GUCY1A2: variants seen among roughly 807,000 people sequenced by gnomAD.
The protein encoded by GUCY1A2 is guanylate cyclase 1 soluble subunit alpha 2, also known as guanylate cyclase soluble subunit alpha-2.
Under a neutral mutation model 63.5 loss-of-function variants are expected in GUCY1A2, and 27 were observed. That is an observed-to-expected ratio of 0.43 (90% confidence interval 0.31 to 0.59). The LOEUF (loss-of-function observed/expected upper bound fraction) is 0.59, where lower values mean the gene tolerates loss of function less well. Ranked by LOEUF, GUCY1A2 falls within the 20% of genes least tolerant of loss-of-function variation. The pLI, the probability that GUCY1A2 is intolerant of heterozygous loss-of-function variation, is 0.11. For synonymous variants in GUCY1A2, 364 were observed against 343.5 expected, an observed-to-expected ratio of 1.06 and a Z score of -0.66; for missense variants, 768 against 913.3, an observed-to-expected ratio of 0.84 and a Z score of 2.05.
chr11:106,884,935 C>G (rs1265813107), intron 4 of GUCY1A2, among the ~76,000 whole-genome samples: 1 of 152,082 alleles, frequency 6.6e-6, no homozygotes, highest in African/African-American at 2.4e-5. Context: ...GCTCAATTCC[C>G]GGCCTAGTCA....
chr11:106,889,607 G>A (rs1321750577), intron 4 of GUCY1A2, among the ~76,000 whole-genome samples: 1 of 152,132 alleles, frequency 6.6e-6, no homozygotes, highest in Non-Finnish European at 1.5e-5. Context: ...TTTTACACAA[G>A]TGCTAAAACT....
intron 3 of GUCY1A2, among the ~76,000 whole-genome samples, chr11:106,954,759 T>C (rs1287567308): frequency 6.6e-6 from 1 of 152,138 alleles, no homozygotes; most frequent in African/African-American, 2.4e-5. Flanking sequence ...CATTGTATAA[T>C]ACCCTTGTCT....
chr11:106,919,963 A>ATT (rs1860420222), intron 4 of GUCY1A2, among the ~76,000 whole-genome samples: 1 of 152,146 alleles, frequency 6.6e-6, no homozygotes, highest in Non-Finnish European at 1.5e-5. Context: ...ATGTTAAAGC[A>ATT]CTTTAAAAAT....
At position 107,017,765 on chromosome 11, in the gene GUCY1A2, C is replaced by A; in HGVS notation, c.291G>T (p.Leu97=). Residue 97 remains leucine, a synonymous_variant, in exon 1 of 8, where the codon CTG becomes CTT. Coordinates refer to ENST00000526355, the MANE Select transcript of GUCY1A2 (RefSeq NM_000855.3). ...GCCCCCCGCTCACCGAGGGCGCCGT[C>A]AGGCGGCTGATGCTCTCGCCCAGCG... ...LDSLGESISR[L]TAPSPQTIQQ... 7.1e-7 allele frequency: 1 copy of A among 1,417,892 alleles called. No homozygotes were observed. The highest frequency in any genetic ancestry group is 9.2e-7 in the Non-Finnish European group (1 of 1,085,414). 87.8% of individuals were successfully genotyped at this position (1,417,892 alleles called of 1,614,324 possible).
intron 3 of GUCY1A2, among the ~76,000 whole-genome samples, chr11:106,972,640 T>C (rs558523769): frequency 1.3e-5 from 2 of 152,076 alleles, no homozygotes; most frequent in East Asian, 3.9e-4. Flanking sequence ...AAATGGGAAA[T>C]AGTCTGTCAC....
chr11:106,848,517 AT>A (rs1163475791), intron 4 of GUCY1A2, among the ~76,000 whole-genome samples: 1 of 151,700 alleles, frequency 6.6e-6, no homozygotes, highest in Non-Finnish European at 1.5e-5. Flanking sequence ...AAATGGTAGC[AT>A]ATCTTCTTGT....
At chr11:106,734,072 A>G (rs1398398067) in intron 6 of GUCY1A2, among the ~76,000 whole-genome samples, 1 of 152,160 alleles carries the variant, frequency 6.6e-6, no homozygotes. Context: ...TTCTGTTTGT[A>G]AAACAGGCAA....
intron 5 of GUCY1A2, among the ~76,000 whole-genome samples, chr11:106,794,426 T>A (rs919855756): frequency 2.0e-5 from 3 of 151,906 alleles, no homozygotes; most frequent in African/African-American, 7.2e-5. Flanking sequence ...CCATATAGCA[T>A]GCTGACCATA....
At chr11:106,722,571 T>A in intron 6 of GUCY1A2, among the ~76,000 whole-genome samples, 1 of 152,176 alleles carries the variant, frequency 6.6e-6, no homozygotes, top group Non-Finnish European at 1.5e-5. Context: ...CTAGAATATG[T>A]CACTTGATTT....
At position 107,017,881 on chromosome 11, in the gene GUCY1A2, G is replaced by GA; in HGVS notation, c.174_175insT (p.Pro59SerfsTer59). On this transcript the variant is annotated frameshift_variant, in exon 1 of 8. Coordinates refer to ENST00000526355, the MANE Select transcript of GUCY1A2 (RefSeq NM_000855.3). LOFTEE classifies it high-confidence loss of function. Reference sequence around the variant, plus strand: ...GCAGAAGCAGCCGGGGTCGGGGCCGGGGCGGCGGCAGCGGCAGCTGCGGCC... The same window carrying GA: ...GCAGAAGCAGCCGGGGTCGGGGCCGGAGGCGGCGGCAGCGGCAGCTGCGGCC... 1 of 1,250,804 alleles carries GA rather than the reference G, an allele frequency of 8.0e-7. No individual in the cohort carries two copies. The highest frequency in any genetic ancestry group is 1.0e-6 in the Non-Finnish European group (1 of 995,426). The allele number at this position is 1,250,804 out of a possible 1,614,324, so 77.5% of individuals were successfully genotyped here.
intron 7 of GUCY1A2, among the ~76,000 whole-genome samples, chr11:106,701,167 T>G (rs1862811211): frequency 6.6e-6 from 1 of 152,118 alleles, no homozygotes; most frequent in Admixed American, 6.5e-5. Context: ...TCCCAGTAAA[T>G]TATTATATGC....
rs373398877 is a variant in GUCY1A2, at chr11:106,940,490, A to C, written c.488-312T>G. Among the ~76,000 whole-genome samples the C allele has an allele frequency of 2.2e-4, 34 of 152,256 alleles. 1 individual carries two copies. The highest frequency in any genetic ancestry group is 7.0e-4 in the African/African-American group (29 of 41,550). ...AGCAGAAGGCACAGTTATTTCCCAT[A>C]TCTCTCTGCCCCGACACATGCACAG... On this transcript the variant is annotated intron_variant, in intron 3 of 7. Transcript: ENST00000526355.
intron 7 of GUCY1A2, among the ~76,000 whole-genome samples, chr11:106,702,050 G>A (rs895261580): frequency 2.6e-5 from 4 of 152,126 alleles, no homozygotes; most frequent in Admixed American, 1.3e-4. Context: ...TATGACTCCC[G>A]CACTTATTTA....
At chr11:106,890,210 T>C (rs1344895915) in intron 4 of GUCY1A2, among the ~76,000 whole-genome samples, 1 of 152,212 alleles carries the variant, frequency 6.6e-6, no homozygotes, top group Non-Finnish European at 1.5e-5. Flanking sequence ...ATCTATATGC[T>C]ATAAGGGTAC....
chr11:106,787,210 T>C (rs1251461884), intron 5 of GUCY1A2, among the ~76,000 whole-genome samples: 2 of 151,900 alleles, frequency 1.3e-5, no homozygotes, highest in Admixed American at 6.6e-5. Context: ...TATTTTTTAC[T>C]ATAGTCATCC....
chr11:106,716,797 TA>T lies in GUCY1A2; in HGVS notation c.1837-8132del, dbSNP rs1227490697. ...AAAAAAAAAAAAAAAAAAAAAAAGATAAGAGTAAATCTCAGGAATTATAAGA... is the reference window on the plus strand; with the variant it reads ...AAAAAAAAAAAAAAAAAAAAAAAGATAGAGTAAATCTCAGGAATTATAAGA... On this transcript the variant is annotated intron_variant, in intron 6 of 7. Transcript: ENST00000526355. 7.6e-5 allele frequency among the ~76,000 whole-genome samples: 8 copies of T among 105,600 alleles called. 1 individual carries two copies. The highest frequency in any genetic ancestry group is 2.9e-4 in the African/African-American group (7 of 24,032). 69.3% of individuals were successfully genotyped at this position (105,600 alleles called of 152,430 possible).
chr11:106,851,634 T>A (rs1859356680), intron 4 of GUCY1A2, among the ~76,000 whole-genome samples: 1 of 151,966 alleles, frequency 6.6e-6, no homozygotes, highest in African/African-American at 2.4e-5. Context: ...TGTTCTTGGA[T>A]ACTTTATTGA....
chr11:106,867,101 C>T (rs1591307670), intron 4 of GUCY1A2, among the ~76,000 whole-genome samples: 1 of 151,954 alleles, frequency 6.6e-6, no homozygotes, highest in African/African-American at 2.4e-5. Context: ...AAATAAAGTG[C>T]TACTGGACTC....
At position 106,705,288 on chromosome 11, in the gene GUCY1A2, T is replaced by C. The variant is rs569807937; in HGVS notation, c.1991+3224A>G. On this transcript the variant is annotated intron_variant, in intron 7 of 7. Transcript: ENST00000526355. ...TTAGACAGTCATCAGTAAGGGACTTTTGTTAATAAAAACACATAGGAATAA... is the reference window on the plus strand; with the variant it reads ...TTAGACAGTCATCAGTAAGGGACTTCTGTTAATAAAAACACATAGGAATAA... Among the ~76,000 whole-genome samples the C allele has an allele frequency of 3.3e-5, 5 of 152,276 alleles. No homozygotes were observed. In the South Asian group the frequency reaches 1.0e-3, roughly 32 times the overall value.
Sources: allele counts gnomAD v4.1 joint callset (sites outside exome capture counted in the v4.1 genomes callset), GRCh38; gene constraint gnomAD v4.1.1; transcripts MANE v1.5; gene names NCBI Gene and HGNC (gene_info 2026-07-23, HGNC 2026-07-21).